The following MFN2 variants were observed in gnomAD, a reference collection of about 807,000 sequenced individuals.
MFN2 encodes mitofusin-2.
A neutral mutation model predicts 87.5 loss-of-function variants in MFN2; 43 were observed. The observed-to-expected ratio is 0.49, with a 90% CI of 0.38 to 0.63. The LOEUF is 0.63. Ranked by LOEUF, MFN2 falls within the 30% of genes least tolerant of loss-of-function variation. The probability of loss-of-function intolerance (pLI) is 0.00; values close to 1 mark genes in which losing one functional copy is unlikely to be tolerated. For synonymous variants in MFN2, 337 were observed against 359.9 expected, an observed-to-expected ratio of 0.94 and a Z score of 0.72; for missense variants, 743 against 972.8, an observed-to-expected ratio of 0.76 and a Z score of 3.14.
In MFN2 at chr1:12,013,178, A is replaced by C; in HGVS notation, c.*1613A>C. 1 of 349,310 alleles carries C rather than the reference A, an allele frequency of 2.9e-6. No homozygotes were observed. Among genetic ancestry groups the C allele is most frequent in the Non-Finnish European group, 5.6e-6 (1 of 177,352 alleles). The allele number at this position is 349,310 out of a possible 1,614,324, so 21.6% of individuals were successfully genotyped here. On this transcript the variant is annotated 3_prime_UTR_variant, in exon 19 of 19. Coordinates refer to ENST00000235329, the MANE Select transcript of MFN2 (RefSeq NM_014874.4). ...AATCACTGTCACACAATTCCAATGG[A>C]TTTTGTGCTCTTTTTGAAAAAAAAA...
In MFN2 at chr1:11,996,678, G is replaced by A. The variant is rs541255411; in HGVS notation, c.474+360G>A. On this transcript the variant is annotated intron_variant, in intron 5 of 18. Coordinates refer to ENST00000235329, the MANE Select transcript of MFN2 (RefSeq NM_014874.4). ...GTCTCTGACCTATCAGTCAGGGACC[G>A]ACACTCTGAGTTTTCTGAGAGGCAG... 4.5e-4 allele frequency among the ~76,000 whole-genome samples: 69 copies of A among 152,280 alleles called. No individual in the cohort carries two copies. The South Asian group carries it at 0.013, about 29-fold the overall frequency.
intron 9 of MFN2, 91 bp downstream of exon 9, chr1:12,001,645 G>A (rs1639178965): frequency 6.2e-7 from 1 of 1,602,754 alleles, no homozygotes; most frequent in Non-Finnish European, 8.5e-7. Context: ...ATCCTTCTGA[G>A]AAGGGGATGC....
At chr1:11,983,262 G>A (rs1646018220) in intron 2 of MFN2, among the ~76,000 whole-genome samples, 1 of 152,118 alleles carries the variant, frequency 6.6e-6, no homozygotes, top group Non-Finnish European at 1.5e-5. Context: ...TAGTAGAGAT[G>A]GGGTTTCACC....
At chr1:11,995,169 G>A (rs1427580136) in intron 4 of MFN2, among the ~76,000 whole-genome samples, 2 of 152,052 alleles carry the variant, frequency 1.3e-5, no homozygotes, top group African/African-American at 4.8e-5. Context: ...GGCTGAGGTG[G>A]GAGGATCATT....
Position 11,990,095 on chromosome 1 carries a change from T to C in MFN2, c.175+752T>C, listed in dbSNP as rs1569806520. On this transcript the variant is annotated intron_variant, in intron 3 of 18. Transcript: ENST00000235329. Reference sequence around the variant, plus strand: ...TGTGAACAGTGGTTTCAGATTCTAGTCTGCAGAACCCTAGAAGTTCAGTGG... The same window carrying C: ...TGTGAACAGTGGTTTCAGATTCTAGCCTGCAGAACCCTAGAAGTTCAGTGG... Among the ~76,000 whole-genome samples the C allele has an allele frequency of 2.6e-5, 4 of 152,328 alleles. No homozygotes were observed. The South Asian group carries it at 8.3e-4, about 32-fold the overall frequency.
Position 12,013,273 on chromosome 1 carries a change from T to C in MFN2, c.*1708T>C, listed in dbSNP as rs1367392114. On this transcript the variant is annotated 3_prime_UTR_variant, in exon 19 of 19. Transcript: ENST00000235329. ...GGGAATGAATGAAATTTTGAGCTTC[T>C]TCAATACGTAAAATTAAATTTATAC... 2.3e-6 allele frequency: 1 copy of C among 426,088 alleles called. No individual in the cohort carries two copies. The highest frequency in any genetic ancestry group is 4.9e-6 in the Non-Finnish European group (1 of 205,086). 26.4% of individuals were successfully genotyped at this position (426,088 alleles called of 1,614,324 possible).
In MFN2 at chr1:12,011,632, C is replaced by A; in HGVS notation, c.*67C>A. On this transcript the variant is annotated 3_prime_UTR_variant, in exon 19 of 19. Transcript: ENST00000235329. The stretch of plus-strand genomic sequence containing the variant: ...GCCAGCCCTAAGTGCCATGTGGGCT[C>A]CCCCAGGGGCACGTGTGGCTCCTGC... The A allele has an allele frequency of 6.5e-7, 1 of 1,537,302 alleles. No individual in the cohort carries two copies. The highest frequency in any genetic ancestry group is 9.0e-7 in the Non-Finnish European group (1 of 1,112,978).
rs145542375 is a variant in MFN2, at chr1:11,995,086, T to A, written c.312-1070T>A. 2.3e-4 allele frequency among the ~76,000 whole-genome samples: 35 copies of A among 151,532 alleles called. No individual in the cohort carries two copies. In the East Asian group the frequency reaches 6.6e-3, roughly 29 times the overall value. ...GCAAGACCCCATCTCTACCAAAAATTTAAAAATTAGCTGGGCGTGGTCGCA... is the reference window on the plus strand; with the variant it reads ...GCAAGACCCCATCTCTACCAAAAATATAAAAATTAGCTGGGCGTGGTCGCA... On this transcript the variant is annotated intron_variant, in intron 4 of 18. Transcript: ENST00000235329.
In MFN2 at chr1:12,008,733, C is replaced by T. The variant is rs547487199; in HGVS notation, c.2070-859C>T. ...CTCCTCACTTCCCAGAGTGGGCAGC[C>T]GGGCAGAGGGGCTCCTCACATCCCA... On this transcript the variant is annotated intron_variant, in intron 17 of 18. Transcript: ENST00000235329. Among the ~76,000 whole-genome samples the T allele has an allele frequency of 1.8e-3, 274 of 151,692 alleles. 2 individuals carry two copies. The highest frequency in any genetic ancestry group is 6.2e-3 in the African/African-American group (255 of 41,316).
At chr1:12,009,068 C>T (rs997433455) in intron 17 of MFN2, among the ~76,000 whole-genome samples, 6 of 152,328 alleles carry the variant, frequency 3.9e-5, no homozygotes, top group East Asian at 1.9e-4. Context: ...GGCGTGGCGG[C>T]GCGCGCCTGC....
rs1639599110 is a variant in MFN2, at chr1:12,009,607, C to T, written c.2085C>T (p.Thr695=). Residue 695 remains threonine (T), a synonymous_variant, in exon 18 of 19, where the codon ACC becomes ACT. Transcript: ENST00000235329. ...SHQVQQELSG[T]FAHLCQQVDV... ...TCCTCCCCAGGGAACTGTCTGGGAC[C>T]TTTGCTCATCTGTGTCAGCAAGTTG... 1 of 1,614,086 alleles carries T rather than the reference C, an allele frequency of 6.2e-7. No homozygotes were observed.
intron 17 of MFN2, 150 bp from the exon 18 acceptor site, chr1:12,009,442 A>G (rs1416173333): frequency 4.8e-6 from 5 of 1,041,566 alleles, no homozygotes; most frequent in Non-Finnish European, 7.5e-6. Flanking sequence ...AGCAGGGTGT[A>G]GGAGATTCTG....
chr1:12,002,213 C>A, intron 11 of MFN2, 110 bp downstream of exon 11: 4 of 1,559,452 alleles, frequency 2.6e-6, no homozygotes, highest in Non-Finnish European at 2.6e-6. Context: ...AGTCTCTGGG[C>A]TCCCATCCAG....
chr1:11,982,700 A>G (rs1047472150), intron 2 of MFN2: 13 of 152,196 alleles, frequency 8.5e-5, no homozygotes, highest in African/African-American at 2.9e-4. Flanking sequence ...TCCTCAACGA[A>G]TAGCCTAGGT....
intron 4 of MFN2, among the ~76,000 whole-genome samples, chr1:11,993,965 T>C (rs1477516336): frequency 6.6e-6 from 1 of 152,180 alleles, no homozygotes; most frequent in Non-Finnish European, 1.5e-5. Context: ...TCTGCCCTTA[T>C]CCAGATTGAA....
chr1:11,998,715 G>A (rs1046836872), intron 6 of MFN2, 55 bp from the exon 7 acceptor site: 21 of 1,536,248 alleles, frequency 1.4e-5, no homozygotes, highest in Non-Finnish European at 1.5e-5. Context: ...TTCTCAGCAG[G>A]AAGAATAGGG....
intron 4 of MFN2, among the ~76,000 whole-genome samples, chr1:11,995,889 G>A (rs1007033430): frequency 1.3e-5 from 2 of 152,186 alleles, no homozygotes; most frequent in African/African-American, 2.4e-5. Context: ...TGCTGAGGGT[G>A]GCTGTGTGAT....
intron 2 of MFN2, among the ~76,000 whole-genome samples, chr1:11,987,365 C>T (rs1638463721): frequency 6.6e-6 from 1 of 150,810 alleles, no homozygotes; most frequent in Non-Finnish European, 1.5e-5. Context: ...CGTGGTGGCT[C>T]ATGCCTGTAA....
chr1:12,011,684 G>A lies in MFN2; in HGVS notation c.*119G>A. ...CCCTGGCCACTGCCAAGAGAATGAA[G>A]CACCCAGTCTCGTACCATTTTGAGC... On this transcript the variant is annotated 3_prime_UTR_variant, in exon 19 of 19. Transcript: ENST00000235329. 1 of 1,052,728 alleles carries A rather than the reference G, an allele frequency of 9.5e-7. No homozygotes were observed. Among genetic ancestry groups the A allele is most frequent in the Non-Finnish European group, 1.5e-6 (1 of 685,982 alleles). 65.2% of individuals were successfully genotyped at this position (1,052,728 alleles called of 1,614,324 possible). A position where few individuals can be genotyped will look rare whatever the true frequency, so the allele number is the denominator to read the frequency against.
Sources: gnomAD v4.1 joint callset for allele counts (sites outside exome capture counted in the v4.1 genomes callset) on GRCh38, gnomAD v4.1.1 for gene constraint, MANE v1.5 for transcripts, NCBI Gene and HGNC (gene_info 2026-07-23, HGNC 2026-07-21) for gene names.